The following ROR2 variants were observed in gnomAD, a reference collection of about 807,000 sequenced individuals.
The protein encoded by ROR2 is tyrosine-protein kinase transmembrane receptor ROR2.
ROR2 carries 33 observed loss-of-function variants against 74.9 expected under a neutral mutation model. The ratio of observed to expected loss-of-function variants is 0.44; its 90% confidence interval spans 0.33 to 0.59. The LOEUF (loss-of-function observed/expected upper bound fraction) is 0.59, where lower values mean the gene tolerates loss of function less well. Among genes scored for constraint, ROR2 ranks in the 20% least tolerant of loss-of-function variants. The pLI is 0.02. For missense variants in ROR2, 1,216 were observed against 1,313.8 expected, an observed-to-expected ratio of 0.93 and a Z score of 1.15; for synonymous variants, 586 against 558.7, an observed-to-expected ratio of 1.05 and a Z score of -0.69.
intron 4 of ROR2, among the ~76,000 whole-genome samples, chr9:91,747,217 A>C (rs1416598310): frequency 6.6e-6 from 1 of 152,136 alleles, no homozygotes; most frequent in Non-Finnish European, 1.5e-5. Context: ...CCTTTTCTTC[A>C]AGCTTTGTTC....
At chr9:91,790,910 A>G (rs1320540475) in intron 1 of ROR2, among the ~76,000 whole-genome samples, 1 of 152,256 alleles carries the variant, frequency 6.6e-6, no homozygotes, top group Non-Finnish European at 1.5e-5. Context: ...AAGAAGAAAT[A>G]TCTTTATACA....
At chr9:91,725,178 G>A (rs1036723556) in intron 8 of ROR2, 71 bp from the exon 9 acceptor site, 9 of 1,602,636 alleles carry the variant, frequency 5.6e-6, no homozygotes, top group Admixed American at 1.7e-5. Context: ...CAGAGCAGCC[G>A]GGAGGAGTGG....
intron 1 of ROR2, among the ~76,000 whole-genome samples, chr9:91,836,749 G>T (rs1036214114): frequency 6.6e-5 from 10 of 152,222 alleles, no homozygotes; most frequent in Admixed American, 2.0e-4. Context: ...GGCGAGTTCT[G>T]GAACTTCTTG....
intron 1 of ROR2, among the ~76,000 whole-genome samples, chr9:91,863,564 T>A (rs2119309729): frequency 6.6e-6 from 1 of 152,210 alleles, no homozygotes; most frequent in East Asian, 1.9e-4. Flanking sequence ...GTGGTGTATC[T>A]GTACAGTGAA....
chr9:91,888,556 G>A (rs951317432), intron 1 of ROR2, among the ~76,000 whole-genome samples: 3 of 152,098 alleles, frequency 2.0e-5, no homozygotes, highest in Non-Finnish European at 4.4e-5. Flanking sequence ...GTCCTACCCA[G>A]GAACAAGTGA....
At position 91,783,566 on chromosome 9, in the gene ROR2, G is replaced by A. The variant is rs572173426; in HGVS notation, c.98-7748C>T. On this transcript the variant is annotated intron_variant, in intron 1 of 8. Coordinates refer to ENST00000375708, the MANE Select transcript of ROR2 (RefSeq NM_004560.4). ...ACCCTCACAGCCATCTGCTGAGACC[G>A]GCAGTCCTCCCACTTCACCCCTCCA... Among the ~76,000 whole-genome samples the A allele has an allele frequency of 2.8e-4, 42 of 152,088 alleles. No homozygotes were observed. In the South Asian group the frequency reaches 7.5e-3, roughly 27 times the overall value.
At chr9:91,764,571 C>A (rs745954349) in intron 2 of ROR2, among the ~76,000 whole-genome samples, 1 of 151,796 alleles carries the variant, frequency 6.6e-6, no homozygotes, top group Non-Finnish European at 1.5e-5. Flanking sequence ...CACACACACA[C>A]ACACACACAC....
At chr9:91,744,372 C>T (rs1425602977) in intron 4 of ROR2, among the ~76,000 whole-genome samples, 1 of 151,820 alleles carries the variant, frequency 6.6e-6, no homozygotes, top group Non-Finnish European at 1.5e-5. Context: ...CAGGCAGTCA[C>T]CACCACACCC....
At chr9:91,805,695 G>A (rs12683746) in intron 1 of ROR2, among the ~76,000 whole-genome samples, 15,222 of 152,188 alleles carry the variant, frequency 0.1, 1,273 homozygotes, top group East Asian at 0.3. Context: ...ACACAAGTAT[G>A]AACATACGTA....
intron 1 of ROR2, chr9:91,948,892 CG>C: frequency 1.0e-6 from 1 of 985,420 alleles, no homozygotes; most frequent in Non-Finnish European, 1.2e-6. Context: ...GGCGCGCGGG[CG>C]GGAGGTGCTC....
chr9:91,885,868 CTTTTTT>C (rs542499117), intron 1 of ROR2, among the ~76,000 whole-genome samples: 2 of 108,144 alleles, frequency 1.8e-5, no homozygotes, highest in East Asian at 2.8e-4. Context: ...GTATGGTTTC[CTTTTTT>C]TTTTTTTTTT....
At chr9:91,783,332 T>C (rs966875287) in intron 1 of ROR2, among the ~76,000 whole-genome samples, 1 of 152,210 alleles carries the variant, frequency 6.6e-6, no homozygotes, top group African/African-American at 2.4e-5. Flanking sequence ...CTTCAAAACT[T>C]AGTGCTGACT....
chr9:91,918,283 G>T (rs912333349), intron 1 of ROR2, among the ~76,000 whole-genome samples: 1 of 149,046 alleles, frequency 6.7e-6, no homozygotes, highest in Non-Finnish European at 1.5e-5. Context: ...AAAAAAAGAA[G>T]TTGTTGAAGG....
At chr9:91,787,040 C>T (rs746633137) in intron 1 of ROR2, among the ~76,000 whole-genome samples, 4 of 152,176 alleles carry the variant, frequency 2.6e-5, no homozygotes, top group Non-Finnish European at 4.4e-5. Context: ...AAAGCTGAAG[C>T]CGTCTTTACA....
At chr9:91,783,243 CT>C (rs1314863376) in intron 1 of ROR2, among the ~76,000 whole-genome samples, 1 of 152,196 alleles carries the variant, frequency 6.6e-6, no homozygotes, top group Non-Finnish European at 1.5e-5. Flanking sequence ...AGGGCACATT[CT>C]GAGACACAGA....
At chr9:91,811,321 C>G (rs1288596797) in intron 1 of ROR2, among the ~76,000 whole-genome samples, 2 of 152,242 alleles carry the variant, frequency 1.3e-5, no homozygotes, top group Non-Finnish European at 2.9e-5. Flanking sequence ...ATGGGGACAT[C>G]CTTTTGTGTG....
chr9:91,934,222 T>C (rs1587857950), intron 1 of ROR2, among the ~76,000 whole-genome samples: 1 of 152,194 alleles, frequency 6.6e-6, no homozygotes, highest in East Asian at 1.9e-4. Context: ...GTTTTGGTTT[T>C]TTCTTGTTTT....
intron 1 of ROR2, among the ~76,000 whole-genome samples, chr9:91,945,402 T>G (rs1417688220): frequency 6.6e-6 from 1 of 152,170 alleles, no homozygotes; most frequent in African/African-American, 2.4e-5. Flanking sequence ...GCTAGGAGTA[T>G]TTGGGATTTA....
intron 2 of ROR2, among the ~76,000 whole-genome samples, chr9:91,765,851 T>C (rs773878274): frequency 6.6e-6 from 1 of 152,222 alleles, no homozygotes; most frequent in African/African-American, 2.4e-5. Flanking sequence ...ATATTAGAGA[T>C]GATATTTCAT....
Sources: gnomAD v4.1 joint callset for allele counts (sites outside exome capture counted in the v4.1 genomes callset) on GRCh38, gnomAD v4.1.1 for gene constraint, MANE v1.5 for transcripts, NCBI Gene and HGNC (gene_info 2026-07-23, HGNC 2026-07-21) for gene names.